KIAA1217: variants seen among roughly 807,000 people sequenced by gnomAD.
KIAA1217 encodes sickle tail protein homolog.
KIAA1217 carries 88 observed loss-of-function variants against 163.9 expected under a neutral mutation model. The ratio of observed to expected loss-of-function variants is 0.54; its 90% CI spans 0.45 to 0.64. The LOEUF (loss-of-function observed/expected upper bound fraction) is 0.64. Ranked by LOEUF, KIAA1217 falls within the 30% of genes least tolerant of loss-of-function variation. The pLI, the probability that KIAA1217 is intolerant of heterozygous loss-of-function variation, is 0.00. For synonymous variants in KIAA1217, 903 were observed against 923.1 expected (o/e 0.98, Z 0.39); for missense variants, 2,372 against 2,475.0 (o/e 0.96, Z 0.88).
chr10:24,317,387 G>A (rs565696735), intron 2 of KIAA1217, among the ~76,000 whole-genome samples: 2 of 152,194 alleles, frequency 1.3e-5, no homozygotes, highest in Non-Finnish European at 2.9e-5. Context: ...CTGAGTAGCT[G>A]GGACTGGAGG....
At chr10:24,221,168 C>T (rs151195793) in intron 2 of KIAA1217, among the ~76,000 whole-genome samples, 12 of 152,262 alleles carry the variant, frequency 7.9e-5, no homozygotes, top group Non-Finnish European at 1.3e-4. Flanking sequence ...GTCATATAGA[C>T]ATTACCCAAC....
At chr10:23,803,423 G>T (rs556631804) in intron 1 of KIAA1217, among the ~76,000 whole-genome samples, 5 of 152,200 alleles carry the variant, frequency 3.3e-5, no homozygotes, top group African/African-American at 1.2e-4. Flanking sequence ...CAGGGTGCCA[G>T]GGCCCAGTCC....
chr10:24,326,416 G>A (rs2044900769), intron 2 of KIAA1217, among the ~76,000 whole-genome samples: 1 of 151,920 alleles, frequency 6.6e-6, no homozygotes, highest in Admixed American at 6.6e-5. Flanking sequence ...AAAATACTTT[G>A]GTTTAGCTCA....
At chr10:23,849,060 T>G (rs1004103543) in intron 1 of KIAA1217, among the ~76,000 whole-genome samples, 5 of 152,060 alleles carry the variant, frequency 3.3e-5, no homozygotes, top group Admixed American at 6.6e-5. Flanking sequence ...GAGAGTATGT[T>G]AGATGAAAGA....
chr10:23,952,777 T>G (rs1844397937), intron 1 of KIAA1217, among the ~76,000 whole-genome samples: 1 of 152,250 alleles, frequency 6.6e-6, no homozygotes, highest in Admixed American at 6.5e-5. Context: ...ATTCTGTAGA[T>G]GTAAGCTGTT....
At chr10:24,481,366 T>A (rs368077528) in intron 6 of KIAA1217, 1 of 152,214 alleles carries the variant, frequency 6.6e-6, no homozygotes, top group Admixed American at 6.5e-5. Context: ...ACACGTGATA[T>A]TTCTTTTGGC....
At chr10:23,941,950 C>T (rs563357140) in intron 1 of KIAA1217, among the ~76,000 whole-genome samples, 11 of 152,024 alleles carry the variant, frequency 7.2e-5, no homozygotes, top group South Asian at 2.1e-4. Context: ...TCTTCCACAA[C>T]GTCAGGACAG....
At chr10:23,812,108 C>A (rs1837090989) in intron 1 of KIAA1217, among the ~76,000 whole-genome samples, 1 of 152,020 alleles carries the variant, frequency 6.6e-6, no homozygotes, top group Non-Finnish European at 1.5e-5. Context: ...ACAAAAAACC[C>A]ACTTAAGTTT....
chr10:24,185,403 A>G (rs1219319724), intron 2 of KIAA1217, among the ~76,000 whole-genome samples: 1 of 152,092 alleles, frequency 6.6e-6, no homozygotes, highest in African/African-American at 2.4e-5. Context: ...ACTATCTGTT[A>G]TTTTGTTACT....
chr10:24,253,294 G>C (rs988240027), intron 2 of KIAA1217, among the ~76,000 whole-genome samples: 1 of 152,112 alleles, frequency 6.6e-6, no homozygotes, highest in Non-Finnish European at 1.5e-5. Flanking sequence ...GTCCCCTTTC[G>C]ATGGGGTAGT....
In KIAA1217 at chr10:24,524,656, G is replaced by T. The variant is rs145162894; in HGVS notation, c.2790G>T (p.Ser930=). 13 of 1,614,110 alleles carry T rather than the reference G, an allele frequency of 8.1e-6. No homozygotes were observed. In the South Asian group the frequency reaches 1.4e-4, roughly 18 times the overall value. Residue 930 remains serine (S), a synonymous_variant, in exon 13 of 21, where the codon TCG becomes TCT. Transcript: ENST00000376454. The stretch of plus-strand genomic sequence containing the variant: ...AAGCAACCTCCACTCTGCAGATGTC[G>T]CAGGCTCCGCAGTCCCCACAGATAC... ...PQEATSTLQM[S]QAPQSPQIPM...
At chr10:24,419,144 T>G (rs2058518300) in intron 3 of KIAA1217, among the ~76,000 whole-genome samples, 1 of 136,352 alleles carries the variant, frequency 7.3e-6, no homozygotes, top group African/African-American at 2.8e-5. Context: ...CTCTCCAGGC[T>G]GGGTGGCAAC....
chr10:24,434,061 C>T (rs2059826603), intron 4 of KIAA1217, among the ~76,000 whole-genome samples: 1 of 107,332 alleles, frequency 9.3e-6, no homozygotes, highest in Non-Finnish European at 1.7e-5. Flanking sequence ...TTTTATGAGA[C>T]AGTCTTGCTC....
intron 3 of KIAA1217, among the ~76,000 whole-genome samples, chr10:24,387,556 C>T (rs1486378304): frequency 6.6e-6 from 1 of 152,060 alleles, no homozygotes; most frequent in Non-Finnish European, 1.5e-5. Flanking sequence ...CTGGCCAGGG[C>T]AATCAGGCAA....
In KIAA1217 at chr10:23,698,896, G is replaced by A. The variant is rs963584692; in HGVS notation, c.-321+3662G>A. 1.7e-4 allele frequency among the ~76,000 whole-genome samples: 26 copies of A among 152,034 alleles called. 2 individuals carry two copies. Among genetic ancestry groups the A allele is most frequent in the East Asian group, 5.8e-4 (3 of 5,172 alleles). ...ACCTCCTGGGCTCAAGCAATCCTCC[G>A]ATCTCAGCCTCCCAAGTAGCTAGGA... On this transcript the variant is annotated intron_variant, in intron 1 of 18. Coordinates refer to the KIAA1217 transcript ENST00000376462.
chr10:24,081,189 G>C (rs1413415196), intron 2 of KIAA1217, among the ~76,000 whole-genome samples: 1 of 152,140 alleles, frequency 6.6e-6, no homozygotes, highest in Non-Finnish European at 1.5e-5. Flanking sequence ...AGGATGTTTG[G>C]TGCCCCAAAT....
At chr10:24,287,001 A>C (rs1361270304) in intron 2 of KIAA1217, among the ~76,000 whole-genome samples, 1 of 152,136 alleles carries the variant, frequency 6.6e-6, no homozygotes, top group African/African-American at 2.4e-5. Flanking sequence ...TTGGACTTCA[A>C]AGCATCTTGC....
chr10:23,859,907 G>GT (rs1050241767), intron 1 of KIAA1217, among the ~76,000 whole-genome samples: 7 of 151,350 alleles, frequency 4.6e-5, no homozygotes, highest in African/African-American at 1.7e-4. Context: ...TCACAGACCT[G>GT]TAAGACTTGC....
chr10:24,063,826 G>T (rs1421759260), intron 2 of KIAA1217, among the ~76,000 whole-genome samples: 1 of 152,134 alleles, frequency 6.6e-6, no homozygotes, highest in Non-Finnish European at 1.5e-5. Flanking sequence ...TTGAGCAGTG[G>T]TTTGTAGTTC....
Sources: gnomAD v4.1 joint callset for allele counts (sites outside exome capture counted in the v4.1 genomes callset) on GRCh38, gnomAD v4.1.1 for gene constraint, MANE v1.5 for transcripts, NCBI Gene and HGNC (gene_info 2026-07-23, HGNC 2026-07-21) for gene names.